PTPRE: variants seen among roughly 807,000 people sequenced by gnomAD.
PTPRE encodes the protein protein tyrosine phosphatase receptor type E, also known as receptor-type tyrosine-protein phosphatase epsilon.
A neutral mutation model predicts 102.0 loss-of-function variants in PTPRE; 51 were observed. That is an observed-to-expected ratio of 0.50 (90% CI 0.40 to 0.63). The LOEUF is 0.63. Among genes scored for constraint, PTPRE ranks in the 30% least tolerant of loss-of-function variants. The pLI is 0.00. For missense variants in PTPRE, 752 were observed against 915.1 expected (o/e 0.82, Z 2.30); for synonymous variants, 345 against 348.2 (o/e 0.99, Z 0.10).
Position 127,968,422 on chromosome 10 carries a change from AG to A in PTPRE, c.-30-13849del, listed in dbSNP as rs540073956. On this transcript the variant is annotated intron_variant, in intron 1 of 20. Coordinates refer to ENST00000254667, the MANE Select transcript of PTPRE (RefSeq NM_006504.6). ...AAATAGATCACTGCCTTCCAGCCCC[AG>A]GGTCTACGCAACAAAAAGCCTTCCC... Among the ~76,000 whole-genome samples, 18 of 152,310 alleles carry A rather than the reference AG, an allele frequency of 1.2e-4. No homozygotes were observed. The South Asian group carries it at 3.5e-3, about 30-fold the overall frequency.
At chr10:128,075,367 G>A (rs915823366) in intron 17 of PTPRE, among the ~76,000 whole-genome samples, 2 of 152,128 alleles carry the variant, frequency 1.3e-5, no homozygotes, top group Non-Finnish European at 2.9e-5. Flanking sequence ...GTAGTTTGCT[G>A]CACCTGTCAA....
At chr10:127,963,069 T>C (rs1849953573) in intron 1 of PTPRE, among the ~76,000 whole-genome samples, 1 of 152,260 alleles carries the variant, frequency 6.6e-6, no homozygotes, top group Admixed American at 6.5e-5. Context: ...GATGTGCCTC[T>C]GAGGAGCAGG....
rs1394190001 is a variant in PTPRE at position 128,070,985 on chromosome 10, T to A, written c.1387+84T>A. 7.3e-7 allele frequency: 1 copy of A among 1,367,890 alleles called. No homozygotes were observed. The highest frequency in any genetic ancestry group is 1.2e-5 in the South Asian group (1 of 82,790). The allele number at this position is 1,367,890 out of a possible 1,614,324, so 84.7% of individuals were successfully genotyped here. A position where few individuals can be genotyped will look rare whatever the true frequency, so the allele number is the denominator to read the frequency against. Reference sequence around the variant, plus strand: ...TCATCCTGGAGAAGCCATTGACCGCTTACCCCTGTGCACCAGGGTCAAAAG... The same window carrying A: ...TCATCCTGGAGAAGCCATTGACCGCATACCCCTGTGCACCAGGGTCAAAAG... On this transcript the variant is annotated intron_variant, in intron 15 of 20. Coordinates refer to ENST00000254667, the MANE Select transcript of PTPRE (RefSeq NM_006504.6). The surrounding 1 kb of genome is among the most constrained non-coding windows in gnomAD (Gnocchi z 4.8).
intron 5 of PTPRE, among the ~76,000 whole-genome samples, chr10:128,048,258 G>A (rs1848262261): frequency 6.6e-6 from 1 of 152,206 alleles, no homozygotes; most frequent in Non-Finnish European, 1.5e-5. Flanking sequence ...CATGTTTACA[G>A]AGCATCAGAG....
intron 5 of PTPRE, among the ~76,000 whole-genome samples, chr10:128,048,531 C>T (rs527408240): frequency 6.6e-6 from 1 of 152,110 alleles, no homozygotes; most frequent in South Asian, 2.1e-4. Flanking sequence ...TAAAACGGAC[C>T]CTTAGATCAT....
chr10:127,963,937 G>T (rs1278950264), intron 1 of PTPRE, among the ~76,000 whole-genome samples: 1 of 152,122 alleles, frequency 6.6e-6, no homozygotes, highest in East Asian at 1.9e-4. Flanking sequence ...AAAAAAGATG[G>T]TTTCTCCTTC....
intron 1 of PTPRE, among the ~76,000 whole-genome samples, chr10:127,950,865 G>A (rs1186738828): frequency 2.0e-5 from 3 of 152,046 alleles, no homozygotes; most frequent in Admixed American, 6.5e-5. Flanking sequence ...GGGAGGCCGA[G>A]GCGGGCAGAT....
chr10:128,077,032 TG>T (rs1159126687), intron 18 of PTPRE, among the ~76,000 whole-genome samples: 2 of 152,140 alleles, frequency 1.3e-5, no homozygotes, highest in Non-Finnish European at 2.9e-5. Flanking sequence ...CTCCTCCAGG[TG>T]CCTTCTCAGA....
rs972544120 is a variant in PTPRE at position 128,028,410 on chromosome 10, T to A, written c.-7-12465T>A. Among the ~76,000 whole-genome samples the A allele has an allele frequency of 1.3e-5, 2 of 152,272 alleles. No homozygotes were observed. The highest frequency in any genetic ancestry group is 2.9e-5 in the Non-Finnish European group (2 of 68,032). On this transcript the variant is annotated intron_variant, in intron 2 of 20. Coordinates refer to ENST00000254667, the MANE Select transcript of PTPRE (RefSeq NM_006504.6). The surrounding 1 kb of genome is among the most constrained non-coding windows in gnomAD (Gnocchi z 4.5). ...CGCGCCCGCCCCAGGCTGGAATTGCTGGGCCGTGATCTCCTCCATCTTTTC... is the reference window on the plus strand; with the variant it reads ...CGCGCCCGCCCCAGGCTGGAATTGCAGGGCCGTGATCTCCTCCATCTTTTC...
At chr10:127,919,527 C>T (rs542388746) in intron 1 of PTPRE, among the ~76,000 whole-genome samples, 17 of 152,356 alleles carry the variant, frequency 1.1e-4, no homozygotes, top group Middle Eastern at 3.4e-3. Flanking sequence ...ATCCCTCCTT[C>T]CTGTGCCTGC....
chr10:128,063,946 G>A (rs768570592), intron 10 of PTPRE, among the ~76,000 whole-genome samples: 16 of 152,212 alleles, frequency 1.1e-4, no homozygotes, highest in Non-Finnish European at 2.1e-4. Flanking sequence ...CAGGTGGGGC[G>A]AAGTTAGGAG....
chr10:127,997,169 G>C (rs1180512990), intron 2 of PTPRE, among the ~76,000 whole-genome samples: 1 of 152,128 alleles, frequency 6.6e-6, no homozygotes, highest in Non-Finnish European at 1.5e-5. Context: ...GTACAATCCA[G>C]ATTATTTCTC....
chr10:127,949,057 A>G (rs1313658023), intron 1 of PTPRE, among the ~76,000 whole-genome samples: 1 of 152,144 alleles, frequency 6.6e-6, no homozygotes, highest in Non-Finnish European at 1.5e-5. Flanking sequence ...CAGAACTTAC[A>G]CCAGTGCCCC....
intron 1 of PTPRE, among the ~76,000 whole-genome samples, chr10:127,909,754 A>C (rs1845739982): frequency 6.6e-6 from 1 of 152,222 alleles, no homozygotes; most frequent in Non-Finnish European, 1.5e-5. Flanking sequence ...ACTACTGTCC[A>C]TGGATAAACA....
intron 1 of PTPRE, among the ~76,000 whole-genome samples, chr10:127,921,270 G>A (rs1451141086): frequency 1.3e-5 from 2 of 152,250 alleles, no homozygotes; most frequent in Non-Finnish European, 2.9e-5. Flanking sequence ...GGTGAGGGCA[G>A]CAATTAGTGC....
chr10:128,067,544 A>G lies in PTPRE; in HGVS notation c.844-579A>G, dbSNP rs116391157. 6.9e-3 allele frequency among the ~76,000 whole-genome samples: 1,049 copies of G among 152,338 alleles called. 13 individuals are homozygous for G. Among genetic ancestry groups the G allele is most frequent in the African/African-American group, 0.024 (1,011 of 41,582 alleles). ...CACATGCACACATACACATGCATAC[A>G]TGTGCACACACATGCACACACATCT... On this transcript the variant is annotated intron_variant, in intron 11 of 20. Transcript: ENST00000254667.
intron 1 of PTPRE, among the ~76,000 whole-genome samples, chr10:127,949,559 G>C (rs969713010): frequency 9.2e-5 from 14 of 152,114 alleles, no homozygotes; most frequent in African/African-American, 3.1e-4. Flanking sequence ...ATAATTTAGA[G>C]ACTTTATACC....
intron 1 of PTPRE, among the ~76,000 whole-genome samples, chr10:127,978,855 T>G (rs1184593109): frequency 6.6e-6 from 1 of 152,092 alleles, no homozygotes; most frequent in Non-Finnish European, 1.5e-5. Context: ...ACTCCATCTT[T>G]ACTAAATATA....
At chr10:128,017,458 C>G (rs1032827574) in intron 2 of PTPRE, among the ~76,000 whole-genome samples, 1 of 152,026 alleles carries the variant, frequency 6.6e-6, no homozygotes. Flanking sequence ...TTCTCACAGA[C>G]ATTTTTTAGA....
Sources: allele counts gnomAD v4.1 joint callset (sites outside exome capture counted in the v4.1 genomes callset), GRCh38; gene constraint gnomAD v4.1.1; non-coding constraint Gnocchi (gnomAD v3.1); transcripts MANE v1.5; gene names NCBI Gene and HGNC (gene_info 2026-07-23, HGNC 2026-07-21).